Variants in TUBA4B observed in about 807,000 individuals in gnomAD.
TUBA4B encodes the protein tubulin-like protein alpha-4B.
In TUBA4B, 13 loss-of-function variants were observed where a neutral mutation model predicts 18.4. That is an observed-to-expected ratio of 0.71 (90% CI 0.46 to 1.12). TUBA4B has a LOEUF of 1.12. Among genes scored for constraint, TUBA4B ranks in the 50% most tolerant of loss-of-function variants. The probability of loss-of-function intolerance (pLI) is 0.00; values close to 1 mark genes in which losing one functional copy is unlikely to be tolerated. For synonymous variants in TUBA4B, 101 were observed against 99.1 expected, an observed-to-expected ratio of 1.02 and a Z score of -0.11; for missense variants, 244 against 250.0, an observed-to-expected ratio of 0.98 and a Z score of 0.16.
Position 219,272,079 on chromosome 2 carries a change from G to A in TUBA4B, c.*380G>A. On this transcript the variant is annotated 3_prime_UTR_variant, in exon 4 of 4. Coordinates refer to ENST00000490341, the MANE Select transcript of TUBA4B (RefSeq NM_001355221.1). Reference sequence around the variant, plus strand: ...TGAGGATATGACTGCCCTGGAGAAGGATTACAAGGAGGTGGGCATGGATAG... The same window carrying A: ...TGAGGATATGACTGCCCTGGAGAAGAATTACAAGGAGGTGGGCATGGATAG... 1.7e-6 allele frequency: 2 copies of A among 1,172,136 alleles called. No homozygotes were observed. Among genetic ancestry groups the A allele is most frequent in the Non-Finnish European group, 2.5e-6 (2 of 790,432 alleles). 72.6% of individuals were successfully genotyped at this position (1,172,136 alleles called of 1,614,324 possible).
In TUBA4B at chr2:219,271,564, C is replaced by T. The variant is rs749984462; in HGVS notation, c.591C>T (p.Asn197=). ...LNVDLTEFQT[N]LVSYLTSTSP... ...TGGACCTGACAGAGTTCCAGACCAA[C>T]CTGGTGTCCTACCTCACATCCACTT... Residue 197 remains asparagine (N), a synonymous_variant, in exon 4 of 4, where the codon AAC becomes AAT. Coordinates refer to ENST00000490341, the MANE Select transcript of TUBA4B (RefSeq NM_001355221.1). The T allele has an allele frequency of 2.5e-6, 4 of 1,614,212 alleles. No individual in the cohort carries two copies. The South Asian group carries it at 4.4e-5, about 18-fold the overall frequency.
intron 1 of TUBA4B, among the ~76,000 whole-genome samples, chr2:219,257,134 C>T (rs963034635): frequency 3.3e-5 from 5 of 150,478 alleles, no homozygotes; most frequent in Non-Finnish European, 5.9e-5. Flanking sequence ...AGCTCCACCT[C>T]CCGGGTTCAA....
chr2:219,267,099 A>G (rs1401142662), intron 2 of TUBA4B, among the ~76,000 whole-genome samples: 1 of 152,088 alleles, frequency 6.6e-6, no homozygotes, highest in African/African-American at 2.4e-5. Flanking sequence ...AGGAGGAGGG[A>G]AAAGGGGGTG....
chr2:219,265,394 T>C (rs1951783998), intron 1 of TUBA4B, among the ~76,000 whole-genome samples: 1 of 152,130 alleles, frequency 6.6e-6, no homozygotes, highest in Non-Finnish European at 1.5e-5. Context: ...CCCAGCACTT[T>C]GGGAGGCTGA....
chr2:219,263,879 T>A (rs1195816311), intron 1 of TUBA4B, among the ~76,000 whole-genome samples: 1 of 152,226 alleles, frequency 6.6e-6, no homozygotes, highest in African/African-American at 2.4e-5. Flanking sequence ...AACTGCACTA[T>A]GTAACACAGT....
intron 1 of TUBA4B, chr2:219,253,887 G>C (rs2125071872): frequency 1.4e-6 from 2 of 1,433,902 alleles, no homozygotes; most frequent in South Asian, 1.5e-5. Flanking sequence ...GTCTCACGTT[G>C]AGTCGGGGTG....
chr2:219,255,366 G>A (rs1951709471), intron 1 of TUBA4B, among the ~76,000 whole-genome samples: 1 of 152,188 alleles, frequency 6.6e-6, no homozygotes, highest in Non-Finnish European at 1.5e-5. Flanking sequence ...AGCCTCTGGA[G>A]TAGCTGGGAT....
chr2:219,271,477 C>T lies in TUBA4B; in HGVS notation c.504C>T (p.Arg168=), dbSNP rs376421850. 1.8e-5 allele frequency: 29 copies of T among 1,614,198 alleles called. No individual in the cohort carries two copies. In the African/African-American group the frequency reaches 2.1e-4, roughly 12 times the overall value. Residue 168 remains arginine (R), a synonymous_variant, in exon 4 of 4, where the codon CGC becomes CGT. Coordinates refer to ENST00000490341, the MANE Select transcript of TUBA4B (RefSeq NM_001355221.1). ...IERPTYTNLN[R]LISQIVSSIT... ...GCCCAACCTACACCAACCTCAATCG[C>T]CTCATTAGCCAAATTGTCTCCTCCA... is the stretch of plus-strand genomic sequence containing the variant.
chr2:219,269,673 C>A (rs549977800), intron 2 of TUBA4B, among the ~76,000 whole-genome samples: 33 of 152,288 alleles, frequency 2.2e-4, no homozygotes, highest in Admixed American at 2.0e-3. Context: ...GTGCAGTTGG[C>A]AATGCCTGCT....
intron 1 of TUBA4B, chr2:219,254,014 G>A (rs959353151): frequency 5.5e-6 from 4 of 724,630 alleles, no homozygotes; most frequent in Non-Finnish European, 8.2e-6. Flanking sequence ...CGCAGGCCAC[G>A]CCTCCCGGGA....
intron 1 of TUBA4B, chr2:219,266,148 G>A (rs938927916): frequency 6.8e-5 from 14 of 207,168 alleles, no homozygotes; most frequent in Admixed American, 2.2e-4. Flanking sequence ...GGGGAGTGCA[G>A]GGGTTTGATG....
At chr2:219,262,953 A>G (rs779871146) in intron 1 of TUBA4B, among the ~76,000 whole-genome samples, 16 of 152,086 alleles carry the variant, frequency 1.1e-4, no homozygotes, top group Non-Finnish European at 4.4e-5. Flanking sequence ...AGACAGGAGA[A>G]TTGCTTGAAC....
At chr2:219,255,173 T>C (rs935392302) in intron 1 of TUBA4B, among the ~76,000 whole-genome samples, 2 of 152,102 alleles carry the variant, frequency 1.3e-5, no homozygotes, top group African/African-American at 4.8e-5. Context: ...ACCTCATCCT[T>C]CCACCTCAGC....
intron 1 of TUBA4B, among the ~76,000 whole-genome samples, chr2:219,261,884 T>C (rs142208914): frequency 6.6e-6 from 1 of 152,370 alleles, no homozygotes; most frequent in Non-Finnish European, 1.5e-5. Flanking sequence ...CTCTCTCCTT[T>C]CCTCACTCTG....
chr2:219,265,174 G>A (rs1951782748), intron 1 of TUBA4B, among the ~76,000 whole-genome samples: 1 of 152,142 alleles, frequency 6.6e-6, no homozygotes, highest in Non-Finnish European at 1.5e-5. Context: ...AGCAGAGCCC[G>A]AGTCCCAGAT....
At chr2:219,258,211 G>A (rs901667887) in intron 1 of TUBA4B, among the ~76,000 whole-genome samples, 3 of 151,940 alleles carry the variant, frequency 2.0e-5, no homozygotes, top group Non-Finnish European at 4.4e-5. Flanking sequence ...GGCTGGTCTC[G>A]AACTCCTGAC....
At chr2:219,262,398 C>T (rs1013708727) in intron 1 of TUBA4B, among the ~76,000 whole-genome samples, 1 of 152,214 alleles carries the variant, frequency 6.6e-6, no homozygotes, top group East Asian at 1.9e-4. Context: ...AATAGCAGCC[C>T]CTGCATATCT....
intron 1 of TUBA4B, among the ~76,000 whole-genome samples, chr2:219,257,251 C>A (rs1433284379): frequency 6.6e-6 from 1 of 150,702 alleles, no homozygotes; most frequent in Non-Finnish European, 1.5e-5. Context: ...CAGTGTTAGC[C>A]AGGATGGTCT....
intron 1 of TUBA4B, among the ~76,000 whole-genome samples, chr2:219,256,360 A>G (rs55634900): frequency 6.6e-6 from 1 of 152,200 alleles, no homozygotes; most frequent in Non-Finnish European, 1.5e-5. Flanking sequence ...AATATTATAG[A>G]TAGCAAACTA....
Sources: gnomAD v4.1 joint callset for allele counts (sites outside exome capture counted in the v4.1 genomes callset) on GRCh38, gnomAD v4.1.1 for gene constraint, MANE v1.5 for transcripts, NCBI Gene and HGNC (gene_info 2026-07-23, HGNC 2026-07-21) for gene names.